GRIK4: variants seen among roughly 807,000 people sequenced by gnomAD.
GRIK4 encodes the protein glutamate ionotropic receptor kainate type subunit 4.
In GRIK4, 40 loss-of-function variants were observed where a neutral mutation model predicts 104.9. That is an observed-to-expected ratio of 0.38 (90% CI 0.30 to 0.50). GRIK4 has a LOEUF of 0.50. Among genes scored for constraint, GRIK4 ranks in the 20% least tolerant of loss-of-function variants. The probability of loss-of-function intolerance (pLI) is 0.93; values close to 1 mark genes in which losing one functional copy is unlikely to be tolerated. For synonymous variants in GRIK4, 485 were observed against 524.9 expected (o/e 0.92, Z 1.04); for missense variants, 1,047 against 1,308.1 (o/e 0.80, Z 3.08).
At chr11:120,592,074 A>T (rs1216349269) in intron 1 of GRIK4, among the ~76,000 whole-genome samples, 1 of 152,224 alleles carries the variant, frequency 6.6e-6, no homozygotes, top group African/African-American at 2.4e-5. Context: ...GGTGGAGGTC[A>T]TTTACATCAC....
intron 3 of GRIK4, among the ~76,000 whole-genome samples, chr11:120,672,488 A>T (rs1950035936): frequency 6.6e-6 from 1 of 152,174 alleles, no homozygotes; most frequent in Non-Finnish European, 1.5e-5. Flanking sequence ...GGTAGCTTTG[A>T]TGGGAATAGC....
intron 3 of GRIK4, among the ~76,000 whole-genome samples, chr11:120,795,383 C>T (rs991770934): frequency 1.1e-4 from 17 of 152,172 alleles, no homozygotes; most frequent in Admixed American, 1.0e-3. Context: ...AGGCCTCTGG[C>T]GGGTCATCCA....
At chr11:120,899,860 C>A (rs145442506) in intron 12 of GRIK4, among the ~76,000 whole-genome samples, 1 of 152,196 alleles carries the variant, frequency 6.6e-6, no homozygotes, top group African/African-American at 2.4e-5. Context: ...AGAGGCGATG[C>A]ATGAGTTCGC....
intron 1 of GRIK4, among the ~76,000 whole-genome samples, chr11:120,565,652 C>T (rs2135061879): frequency 6.6e-6 from 1 of 152,252 alleles, no homozygotes; most frequent in Middle Eastern, 3.4e-3. Context: ...GAGAAGGGGG[C>T]CTCCAGCGCC....
intron 6 of GRIK4, among the ~76,000 whole-genome samples, chr11:120,823,253 C>T (rs1384110528): frequency 6.6e-6 from 1 of 152,200 alleles, no homozygotes. Flanking sequence ...GACTTGTTTC[C>T]TCTGCTTCAG....
intron 8 of GRIK4, among the ~76,000 whole-genome samples, chr11:120,853,888 G>GC (rs1168256763): frequency 6.6e-6 from 1 of 152,202 alleles, no homozygotes; most frequent in Non-Finnish European, 1.5e-5. Context: ...CTAGCCCAGT[G>GC]CTGAGCACAC....
intron 1 of GRIK4, among the ~76,000 whole-genome samples, chr11:120,612,335 T>C (rs529444606): frequency 6.6e-6 from 1 of 152,308 alleles, no homozygotes; most frequent in African/African-American, 2.4e-5. Context: ...TCAGCTGTTA[T>C]CTCATTGTAA....
At chr11:120,861,880 A>G (rs879204513) in intron 8 of GRIK4, 79 bp from the exon 9 acceptor site, 17 of 1,074,324 alleles carry the variant, frequency 1.6e-5, no homozygotes, top group Middle Eastern at 2.0e-4. Context: ...TGTGGTACCC[A>G]GATATGCTTT....
At chr11:120,811,678 A>G (rs531569260) in intron 4 of GRIK4, among the ~76,000 whole-genome samples, 2 of 152,182 alleles carry the variant, frequency 1.3e-5, no homozygotes, top group Admixed American at 6.5e-5. Context: ...TCATATAGAT[A>G]TACATATAAT....
intron 1 of GRIK4, among the ~76,000 whole-genome samples, chr11:120,534,629 G>A (rs138367061): frequency 6.6e-6 from 1 of 152,290 alleles, no homozygotes; most frequent in Non-Finnish European, 1.5e-5. Flanking sequence ...GGAAAACGCT[G>A]TAGTAAGTAC....
intron 1 of GRIK4, among the ~76,000 whole-genome samples, chr11:120,583,475 A>G (rs575322125): frequency 5.9e-5 from 9 of 152,086 alleles, no homozygotes; most frequent in Middle Eastern, 3.4e-3. Context: ...GGGTTTTTAT[A>G]GTTTTAGGTT....
chr11:120,544,724 C>T (rs1340961189), intron 1 of GRIK4, among the ~76,000 whole-genome samples: 1 of 152,122 alleles, frequency 6.6e-6, no homozygotes, highest in African/African-American at 2.4e-5. Context: ...ACCACGGGGA[C>T]ATGGAAAGGA....
At chr11:120,774,213 T>A (rs1486250911) in intron 3 of GRIK4, among the ~76,000 whole-genome samples, 1 of 152,154 alleles carries the variant, frequency 6.6e-6, no homozygotes, top group Non-Finnish European at 1.5e-5. Flanking sequence ...CCAGGTCATG[T>A]TTGAGCAGAT....
chr11:120,762,650 G>A (rs1245450144), intron 3 of GRIK4, among the ~76,000 whole-genome samples: 1 of 152,040 alleles, frequency 6.6e-6, no homozygotes, highest in African/African-American at 2.4e-5. Flanking sequence ...AGCATGATGG[G>A]GTATTGAATT....
At chr11:120,556,343 A>G (rs1948185622) in intron 1 of GRIK4, among the ~76,000 whole-genome samples, 1 of 151,980 alleles carries the variant, frequency 6.6e-6, no homozygotes, top group Admixed American at 6.6e-5. Context: ...GCTCACTCCC[A>G]TCCTCATCCA....
intron 9 of GRIK4, among the ~76,000 whole-genome samples, chr11:120,863,007 A>T (rs1020016890): frequency 1.3e-5 from 2 of 152,230 alleles, no homozygotes; most frequent in African/African-American, 2.4e-5. Flanking sequence ...CAAATAGCCC[A>T]GGGTCACATA....
At chr11:120,816,848 G>A (rs1952974162) in intron 5 of GRIK4, among the ~76,000 whole-genome samples, 1 of 152,022 alleles carries the variant, frequency 6.6e-6, no homozygotes, top group Non-Finnish European at 1.5e-5. Context: ...CATGGGCTGG[G>A]GCTGACAAGT....
intron 3 of GRIK4, among the ~76,000 whole-genome samples, chr11:120,682,065 T>C (rs956613507): frequency 5.9e-5 from 9 of 152,066 alleles, no homozygotes; most frequent in African/African-American, 1.7e-4. Context: ...GATGTCAAGA[T>C]AAAAACAGCC....
intron 7 of GRIK4, among the ~76,000 whole-genome samples, chr11:120,832,502 C>T (rs1202427694): frequency 6.6e-6 from 1 of 152,162 alleles, no homozygotes; most frequent in African/African-American, 2.4e-5. Flanking sequence ...TCTGTGTAGT[C>T]GATCTCCCAG....
Sources: allele counts gnomAD v4.1 joint callset (sites outside exome capture counted in the v4.1 genomes callset), GRCh38; gene constraint gnomAD v4.1.1; transcripts MANE v1.5; gene names NCBI Gene and HGNC (gene_info 2026-07-23, HGNC 2026-07-21).